CNTN5: variants seen among roughly 807,000 people sequenced by gnomAD.
The protein encoded by CNTN5 is contactin 5, also known as contactin-5.
A neutral mutation model predicts 129.1 loss-of-function variants in CNTN5; 77 were observed. That is an observed-to-expected ratio of 0.60 (90% CI 0.50 to 0.72). The LOEUF (loss-of-function observed/expected upper bound fraction) is 0.72, where lower values mean the gene tolerates loss of function less well. CNTN5 is among the 30% of genes least tolerant of loss of function. CNTN5 has a pLI of 0.00. For missense variants in CNTN5, 1,478 were observed against 1,328.8 expected (o/e 1.11, Z -1.75); for synonymous variants, 509 against 465.6 (o/e 1.09, Z -1.20).
At chr11:99,860,643 C>G (rs201414607) in intron 6 of CNTN5, among the ~76,000 whole-genome samples, 3 of 152,116 alleles carry the variant, frequency 2.0e-5, no homozygotes, top group African/African-American at 7.2e-5. Flanking sequence ...TCTGTGTTCT[C>G]TATTCTGTTC....
At chr11:100,159,631 A>G (rs1234555826) in intron 13 of CNTN5, among the ~76,000 whole-genome samples, 1 of 151,960 alleles carries the variant, frequency 6.6e-6, no homozygotes. Context: ...GTAGAGGTGA[A>G]TATTTCATGC....
chr11:99,571,121 G>T (rs1949162703), intron 3 of CNTN5, among the ~76,000 whole-genome samples: 1 of 152,194 alleles, frequency 6.6e-6, no homozygotes, highest in Admixed American at 6.5e-5. Flanking sequence ...AAGGCAGCCT[G>T]CTTTCTGCTT....
intron 3 of CNTN5, among the ~76,000 whole-genome samples, chr11:99,599,370 C>T (rs911209303): frequency 9.9e-5 from 15 of 151,810 alleles, no homozygotes; most frequent in Admixed American, 9.2e-4. Flanking sequence ...ATTGATTTAG[C>T]CATTTAGAAA....
intron 6 of CNTN5, among the ~76,000 whole-genome samples, chr11:99,876,234 C>T (rs1291898027): frequency 2.6e-5 from 4 of 152,132 alleles, no homozygotes; most frequent in Non-Finnish European, 5.9e-5. Context: ...TCAGGACCTG[C>T]ATCTGGAACC....
intron 3 of CNTN5, among the ~76,000 whole-genome samples, chr11:99,807,559 A>G (rs910179562): frequency 2.6e-5 from 4 of 152,196 alleles, no homozygotes; most frequent in Non-Finnish European, 5.9e-5. Flanking sequence ...TCTGTTGCCC[A>G]GGCAGGAGTG....
intron 15 of CNTN5, among the ~76,000 whole-genome samples, chr11:100,223,062 A>C (rs1949298550): frequency 1.3e-5 from 2 of 152,200 alleles, no homozygotes; most frequent in Non-Finnish European, 2.9e-5. Flanking sequence ...CACTTAGTCT[A>C]GTGAAGAAGA....
intron 13 of CNTN5, among the ~76,000 whole-genome samples, chr11:100,153,201 GCTA>G (rs1555023376): frequency 6.6e-6 from 1 of 152,022 alleles, no homozygotes; most frequent in Non-Finnish European, 1.5e-5. Flanking sequence ...TTATAATGTT[GCTA>G]CTTTTTGTTG....
At chr11:99,679,220 T>G (rs1953444918) in intron 3 of CNTN5, among the ~76,000 whole-genome samples, 1 of 148,192 alleles carries the variant, frequency 6.7e-6, no homozygotes, top group Admixed American at 6.8e-5. Context: ...ATAAAGAGAT[T>G]ATATGTACAT....
intron 3 of CNTN5, among the ~76,000 whole-genome samples, chr11:99,726,480 G>T (rs1943343862): frequency 3.3e-5 from 5 of 152,086 alleles, no homozygotes; most frequent in Admixed American, 3.3e-4. Flanking sequence ...AAACGAAATA[G>T]AACAATTTGC....
At chr11:99,262,359 T>A (rs1480827933) in intron 1 of CNTN5, among the ~76,000 whole-genome samples, 1 of 152,116 alleles carries the variant, frequency 6.6e-6, no homozygotes, top group Admixed American at 6.6e-5. Context: ...ATTATTTTGA[T>A]AATGGAATTT....
intron 1 of CNTN5, among the ~76,000 whole-genome samples, chr11:99,131,813 C>G (rs4462301): frequency 1.3e-5 from 2 of 152,112 alleles, no homozygotes; most frequent in East Asian, 1.9e-4. Flanking sequence ...CTGAATTTTA[C>G]GAGAGGTACA....
intron 1 of CNTN5, among the ~76,000 whole-genome samples, chr11:99,290,545 C>G (rs1228602286): frequency 6.6e-6 from 1 of 151,802 alleles, no homozygotes; most frequent in East Asian, 1.9e-4. Context: ...ACATTTACTA[C>G]AGAAAGAGGT....
At chr11:99,402,518 G>T (rs1160617178) in intron 2 of CNTN5, among the ~76,000 whole-genome samples, 1 of 152,062 alleles carries the variant, frequency 6.6e-6, no homozygotes. Flanking sequence ...CAGGGATATT[G>T]ACCTATAGTT....
chr11:99,284,682 C>G (rs1408524977), intron 1 of CNTN5, among the ~76,000 whole-genome samples: 1 of 144,802 alleles, frequency 6.9e-6, no homozygotes, highest in South Asian at 2.2e-4. Context: ...GATATTATGA[C>G]TAAGGATATT....
At chr11:100,230,062 TATA>T (rs1157422386) in intron 16 of CNTN5, among the ~76,000 whole-genome samples, 2 of 152,330 alleles carry the variant, frequency 1.3e-5, no homozygotes, top group Non-Finnish European at 2.9e-5. Context: ...ATGTTTTCAG[TATA>T]ACTTTTTAAT....
Position 99,074,994 on chromosome 11 carries a change from A to G in CNTN5, c.-210+53724A>G, listed in dbSNP as rs572034255. 4.6e-5 allele frequency among the ~76,000 whole-genome samples: 7 copies of G among 152,346 alleles called. No individual in the cohort carries two copies. The South Asian group carries it at 1.4e-3, about 32-fold the overall frequency. Reference sequence around the variant, plus strand: ...TTTTACTGCATAATATGATGTATACATAAGAACAAAAAATCAGATACTCTG... The same window carrying G: ...TTTTACTGCATAATATGATGTATACGTAAGAACAAAAAATCAGATACTCTG... On this transcript the variant is annotated intron_variant, in intron 1 of 24. Transcript: ENST00000524871.
At chr11:99,408,408 AG>A (rs1565557693) in intron 2 of CNTN5, among the ~76,000 whole-genome samples, 28 of 129,962 alleles carry the variant, frequency 2.2e-4, no homozygotes, top group African/African-American at 7.7e-4. Context: ...AAGAAGAGAG[AG>A]AAAGAAAGGA....
chr11:99,975,147 T>C (rs1473963782), intron 8 of CNTN5, among the ~76,000 whole-genome samples: 2 of 152,212 alleles, frequency 1.3e-5, no homozygotes, highest in African/African-American at 2.4e-5. Context: ...GAATTGGAAA[T>C]TTAGAGGCAA....
At chr11:99,437,168 A>G (rs1404405072) in intron 2 of CNTN5, among the ~76,000 whole-genome samples, 5 of 152,210 alleles carry the variant, frequency 3.3e-5, no homozygotes, top group Non-Finnish European at 5.9e-5. Flanking sequence ...CCAGAGACCT[A>G]GTACTTTACG....
Sources: allele counts gnomAD v4.1 joint callset (sites outside exome capture counted in the v4.1 genomes callset), GRCh38; gene constraint gnomAD v4.1.1; transcripts MANE v1.5; gene names NCBI Gene and HGNC (gene_info 2026-07-23, HGNC 2026-07-21).